Variants in CSMD1 observed in about 807,000 individuals in gnomAD.
CSMD1 encodes the protein CUB and sushi domain-containing protein 1.
In CSMD1, 213 loss-of-function variants were observed where a neutral mutation model predicts 417.5. That is an observed-to-expected ratio of 0.51 (90% CI 0.46 to 0.57). CSMD1 has a LOEUF of 0.57. Among genes scored for constraint, CSMD1 ranks in the 20% least tolerant of loss-of-function variants. CSMD1 has a pLI of 0.00. For missense variants in CSMD1, 6,923 were observed against 4,529.7 expected (o/e 1.53, Z -15.17); for synonymous variants, 2,862 against 1,736.8 (o/e 1.65, Z -16.11).
At chr8:4,456,751 G>A (rs1409546531) in intron 2 of CSMD1, among the ~76,000 whole-genome samples, 1 of 152,102 alleles carries the variant, frequency 6.6e-6, no homozygotes, top group African/African-American at 2.4e-5. Flanking sequence ...CTAGTTGCTA[G>A]ATCCTAGGGA....
intron 49 of CSMD1, among the ~76,000 whole-genome samples, chr8:3,055,784 T>C (rs1303169623): frequency 6.6e-6 from 1 of 152,220 alleles, no homozygotes; most frequent in African/African-American, 2.4e-5. Flanking sequence ...AGTTAAATTT[T>C]GTTTGGGAGC....
At chr8:3,906,834 G>C (rs1808147568) in intron 5 of CSMD1, among the ~76,000 whole-genome samples, 1 of 152,034 alleles carries the variant, frequency 6.6e-6, no homozygotes, top group African/African-American at 2.4e-5. Flanking sequence ...ATATCAAGAA[G>C]GACAGCATTG....
intron 16 of CSMD1, among the ~76,000 whole-genome samples, chr8:3,398,599 T>C (rs1463370616): frequency 2.0e-5 from 3 of 152,208 alleles, no homozygotes; most frequent in Non-Finnish European, 4.4e-5. Context: ...ATCCAGAATG[T>C]AGTCTAGTCA....
At chr8:4,269,189 T>C (rs937583036) in intron 3 of CSMD1, among the ~76,000 whole-genome samples, 3 of 152,112 alleles carry the variant, frequency 2.0e-5, no homozygotes, top group African/African-American at 7.2e-5. Flanking sequence ...TCCTAGTAGC[T>C]GGGACTACAG....
intron 9 of CSMD1, among the ~76,000 whole-genome samples, chr8:3,579,473 C>T (rs1340521216): frequency 6.6e-6 from 1 of 152,140 alleles, no homozygotes; most frequent in Non-Finnish European, 1.5e-5. Context: ...AGTGGGATTT[C>T]AGGAGTCGCA....
intron 3 of CSMD1, among the ~76,000 whole-genome samples, chr8:4,238,553 G>T (rs1477686841): frequency 1.3e-5 from 2 of 152,166 alleles, no homozygotes; most frequent in Non-Finnish European, 2.9e-5. Context: ...TTCTGCTGGT[G>T]ATTAGTTAGA....
chr8:4,201,673 T>G (rs933845243), intron 3 of CSMD1, among the ~76,000 whole-genome samples: 1 of 151,952 alleles, frequency 6.6e-6, no homozygotes, highest in African/African-American at 2.4e-5. Flanking sequence ...TTTCTATAAT[T>G]TACTCAAGTG....
rs1796265080 is a variant in CSMD1, at chr8:3,189,112, T to C, written c.5399-101A>G. On this transcript the variant is annotated intron_variant, in intron 34 of 69. Coordinates refer to ENST00000635120, the MANE Select transcript of CSMD1 (RefSeq NM_033225.6). ...TGTGTGACCACACAGTAAGAGAAAA[T>C]GTACATGAACAATGATACGTTAAAC... The C allele has an allele frequency of 1.5e-5, 17 of 1,152,676 alleles. No homozygotes were observed. In the South Asian group the frequency reaches 2.9e-4, roughly 20 times the overall value. 71.4% of individuals were successfully genotyped at this position (1,152,676 alleles called of 1,614,324 possible). A position where few individuals can be genotyped will look rare whatever the true frequency, so the allele number is the denominator to read the frequency against.
At chr8:4,064,315 A>G (rs1429989127) in intron 3 of CSMD1, among the ~76,000 whole-genome samples, 4 of 152,134 alleles carry the variant, frequency 2.6e-5, no homozygotes, top group African/African-American at 9.7e-5. Flanking sequence ...CCTGGGCTCC[A>G]TATGGTGTTT....
At chr8:4,032,579 G>C (rs937228027) in intron 3 of CSMD1, among the ~76,000 whole-genome samples, 2 of 151,988 alleles carry the variant, frequency 1.3e-5, no homozygotes, top group Non-Finnish European at 2.9e-5. Context: ...ATTACCCAAC[G>C]CTCAATCAAC....
chr8:3,165,598 A>AT (rs1453171827), intron 37 of CSMD1, among the ~76,000 whole-genome samples: 1 of 151,626 alleles, frequency 6.6e-6, no homozygotes, highest in Non-Finnish European at 1.5e-5. Flanking sequence ...CGCCCGGCTA[A>AT]TTTTTTTATA....
At chr8:3,728,790 T>G (rs1048651446) in intron 6 of CSMD1, among the ~76,000 whole-genome samples, 3 of 152,220 alleles carry the variant, frequency 2.0e-5, no homozygotes, top group Non-Finnish European at 4.4e-5. Context: ...AATATGAGGT[T>G]TATTCAGCAC....
At chr8:3,649,491 A>T (rs1327942584) in intron 7 of CSMD1, among the ~76,000 whole-genome samples, 1 of 152,188 alleles carries the variant, frequency 6.6e-6, no homozygotes, top group Non-Finnish European at 1.5e-5. Flanking sequence ...GGCCTCAGGA[A>T]ATTTACAATC....
Position 4,410,617 on chromosome 8 carries a change from T to C in CSMD1, c.415+9336A>G, listed in dbSNP as rs548834459. On this transcript the variant is annotated intron_variant, in intron 3 of 69. Coordinates refer to ENST00000635120, the MANE Select transcript of CSMD1 (RefSeq NM_033225.6). Reference sequence around the variant, plus strand: ...TTTTTCATTTATCTGAAATTATGTATTACCAAATGTAATGTATATGCATGT... The same window carrying C: ...TTTTTCATTTATCTGAAATTATGTACTACCAAATGTAATGTATATGCATGT... 3.9e-5 allele frequency among the ~76,000 whole-genome samples: 6 copies of C among 152,284 alleles called. No individual in the cohort carries two copies. In the Middle Eastern group the frequency reaches 0.01, roughly 259 times the overall value.
intron 3 of CSMD1, among the ~76,000 whole-genome samples, chr8:4,157,579 C>T (rs1796904995): frequency 6.6e-6 from 1 of 152,188 alleles, no homozygotes; most frequent in Non-Finnish European, 1.5e-5. Flanking sequence ...ATTGCTAAGA[C>T]CCTCTGCCGG....
Position 4,212,748 on chromosome 8 carries a change from A to ATTT in CSMD1, c.416-180650_416-180649insAAA, listed in dbSNP as rs1233118651. ...GTGAAAAGTTTACAACAGCGGCCTT[A>ATTT]TTCTTTTTTTTTTTTTTTTTTTTTT... On this transcript the variant is annotated intron_variant, in intron 3 of 69. Coordinates refer to ENST00000635120, the MANE Select transcript of CSMD1 (RefSeq NM_033225.6). Among the ~76,000 whole-genome samples, 45 of 101,884 alleles carry ATTT rather than the reference A, an allele frequency of 4.4e-4. 1 individual carries two copies. Among genetic ancestry groups the ATTT allele is most frequent in the African/African-American group, 2.3e-3 (43 of 19,038 alleles). The allele number at this position is 101,884 out of a possible 152,430, so 66.8% of individuals were successfully genotyped here.
At chr8:4,086,615 C>T (rs999741862) in intron 3 of CSMD1, among the ~76,000 whole-genome samples, 1 of 152,196 alleles carries the variant, frequency 6.6e-6, no homozygotes, top group Non-Finnish European at 1.5e-5. Context: ...AAGTACAATG[C>T]AGACGCGAGA....
At chr8:3,794,987 A>G (rs1182687311) in intron 5 of CSMD1, among the ~76,000 whole-genome samples, 2 of 151,650 alleles carry the variant, frequency 1.3e-5, no homozygotes, top group Non-Finnish European at 2.9e-5. Context: ...ATATATATCT[A>G]TCTATCATGT....
chr8:3,593,799 A>G (rs939854221), intron 8 of CSMD1, among the ~76,000 whole-genome samples: 1 of 152,112 alleles, frequency 6.6e-6, no homozygotes, highest in Non-Finnish European at 1.5e-5. Flanking sequence ...TATATGGGTC[A>G]TTCTCCCATC....
Sources: allele counts gnomAD v4.1 joint callset (sites outside exome capture counted in the v4.1 genomes callset), GRCh38; gene constraint gnomAD v4.1.1; transcripts MANE v1.5; gene names NCBI Gene and HGNC (gene_info 2026-07-23, HGNC 2026-07-21).